Variants in GALNT13 observed in about 807,000 individuals in gnomAD.
GALNT13 encodes the protein UDP-GalNAc:polypeptide N-acetylgalactosaminyltransferase 13.
In GALNT13, 28 loss-of-function variants were observed where a neutral mutation model predicts 64.2. That is an observed-to-expected ratio of 0.44 (90% confidence interval 0.32 to 0.60). The LOEUF (loss-of-function observed/expected upper bound fraction) is 0.60, where lower values mean the gene tolerates loss of function less well. Among genes scored for constraint, GALNT13 ranks in the 20% least tolerant of loss-of-function variants. The pLI is 0.05. For synonymous variants in GALNT13, 214 were observed against 224.6 expected (o/e 0.95, Z 0.42); for missense variants, 577 against 669.8 (o/e 0.86, Z 1.53).
At chr2:153,733,968 T>C in the GALNT13 span, among the ~76,000 whole-genome samples, 117 of 152,298 alleles carry the variant, frequency 7.7e-4, no homozygotes, top group African/African-American at 2.6e-3. Flanking sequence ...CTTCAATGTC[T>C]ACATTGTCTT....
At chr2:153,903,730 C>G (rs547920937) in intron 2 of GALNT13, among the ~76,000 whole-genome samples, 1 of 151,896 alleles carries the variant, frequency 6.6e-6, no homozygotes, top group African/African-American at 2.4e-5. Context: ...TCTCAGGTAA[C>G]AGTTTTCTAT....
intron 3 of GALNT13, among the ~76,000 whole-genome samples, chr2:154,086,221 C>T (rs1701516983): frequency 6.8e-6 from 1 of 147,762 alleles, no homozygotes; most frequent in African/African-American, 2.5e-5. Flanking sequence ...GCCAGAGAAC[C>T]CAATTCTACA....
chr2:153,884,689 TG>T (rs1687013806), intron 1 of GALNT13, among the ~76,000 whole-genome samples: 1 of 149,558 alleles, frequency 6.7e-6, no homozygotes, highest in African/African-American at 2.5e-5. Flanking sequence ...GAGGCTGAGG[TG>T]GGCGGATCAT....
At chr2:153,353,510 CAT>C in the GALNT13 span, among the ~76,000 whole-genome samples, 25 of 152,218 alleles carry the variant, frequency 1.6e-4, no homozygotes, top group South Asian at 4.1e-4. Context: ...TGAGATGACA[CAT>C]GTTTGCCTTA....
the GALNT13 span, among the ~76,000 whole-genome samples, chr2:153,265,300 C>A: frequency 6.6e-6 from 1 of 152,122 alleles, no homozygotes; most frequent in Non-Finnish European, 1.5e-5. Context: ...TATTTAGGAC[C>A]CTGGAGCCTT....
chr2:153,297,111 A>G, the GALNT13 span, among the ~76,000 whole-genome samples: 1 of 152,218 alleles, frequency 6.6e-6, no homozygotes, highest in Non-Finnish European at 1.5e-5. Flanking sequence ...AGCAGACAGT[A>G]TTAAACTTTT....
intron 1 of GALNT13, among the ~76,000 whole-genome samples, chr2:153,874,489 C>A (rs1686220664): frequency 6.6e-6 from 1 of 152,032 alleles, no homozygotes; most frequent in African/African-American, 2.4e-5. Flanking sequence ...TTATAGGGTA[C>A]TGCTGGTATA....
the GALNT13 span, among the ~76,000 whole-genome samples, chr2:153,439,093 C>G: frequency 6.6e-6 from 1 of 152,078 alleles, no homozygotes; most frequent in South Asian, 2.1e-4. Context: ...CACTCCAGAC[C>G]CTGTTTGCCT....
chr2:154,066,147 A>C (rs1425939196), intron 3 of GALNT13, among the ~76,000 whole-genome samples: 1 of 152,190 alleles, frequency 6.6e-6, no homozygotes, highest in Non-Finnish European at 1.5e-5. Context: ...AATTAGCTTG[A>C]AGGCAGGCTA....
chr2:153,294,464 T>A, the GALNT13 span, among the ~76,000 whole-genome samples: 1,010 of 152,342 alleles, frequency 6.6e-3, 13 homozygotes, highest in African/African-American at 0.022. Context: ...TTTTACATGT[T>A]GAATTTTACT....
At chr2:153,386,956 A>G in the GALNT13 span, among the ~76,000 whole-genome samples, 8 of 152,114 alleles carry the variant, frequency 5.3e-5, no homozygotes, top group Non-Finnish European at 8.8e-5. Flanking sequence ...TAGTGCTACT[A>G]AACTTTTAAA....
the GALNT13 span, among the ~76,000 whole-genome samples, chr2:153,759,361 T>C: frequency 6.6e-6 from 1 of 152,196 alleles, no homozygotes; most frequent in African/African-American, 2.4e-5. Flanking sequence ...GAGGTGAAAT[T>C]AGACATTCAT....
intron 3 of GALNT13, among the ~76,000 whole-genome samples, chr2:154,098,967 T>C (rs12999093): frequency 0.31 from 46,804 of 151,764 alleles, 7,655 homozygotes; most frequent in Non-Finnish European, 0.37. Context: ...AAATGGAAGT[T>C]CTCTTTTTAG....
At chr2:153,534,546 C>G in the GALNT13 span, among the ~76,000 whole-genome samples, 14 of 123,604 alleles carry the variant, frequency 1.1e-4, no homozygotes, top group African/African-American at 4.7e-4. Flanking sequence ...TTTTTGTGAG[C>G]AACATGGCTG....
At chr2:153,068,923 C>G in the GALNT13 span, among the ~76,000 whole-genome samples, 1 of 152,204 alleles carries the variant, frequency 6.6e-6, no homozygotes, top group African/African-American at 2.4e-5. Flanking sequence ...GTTAGTGTGG[C>G]TAGCTTAGAT....
chr2:153,946,992 C>T (rs1222738237), intron 3 of GALNT13, among the ~76,000 whole-genome samples: 1 of 151,978 alleles, frequency 6.6e-6, no homozygotes, highest in Non-Finnish European at 1.5e-5. Context: ...CTGCTAAAAA[C>T]AGGCTTTTTT....
chr2:153,147,528 A>G, the GALNT13 span, among the ~76,000 whole-genome samples: 1 of 147,200 alleles, frequency 6.8e-6, no homozygotes, highest in Non-Finnish European at 1.5e-5. Flanking sequence ...TCAGGAGTTC[A>G]GGAAGCATTA....
chr2:154,273,629 T>G (rs529125658), intron 8 of GALNT13, among the ~76,000 whole-genome samples: 1 of 152,332 alleles, frequency 6.6e-6, no homozygotes, highest in South Asian at 2.1e-4. Flanking sequence ...TGTAGATATT[T>G]TTAGATACAC....
chr2:153,400,773 C>T, the GALNT13 span, among the ~76,000 whole-genome samples: 2 of 151,962 alleles, frequency 1.3e-5, no homozygotes, highest in Non-Finnish European at 2.9e-5. Flanking sequence ...GTGGTGATAT[C>T]CCCTTTATCA....
Sources: allele counts gnomAD v4.1 joint callset (sites outside exome capture counted in the v4.1 genomes callset), GRCh38; gene constraint gnomAD v4.1.1; transcripts MANE v1.5; gene names NCBI Gene and HGNC (gene_info 2026-07-23, HGNC 2026-07-21).